Variants in TTC28 observed in about 807,000 individuals in gnomAD.
TTC28 encodes the protein tetratricopeptide repeat domain 28.
TTC28 carries 61 observed loss-of-function variants against 198.0 expected under a neutral mutation model. The observed-to-expected ratio is 0.31, with a 90% confidence interval of 0.25 to 0.38. TTC28 has a LOEUF of 0.38. Ranked by LOEUF, TTC28 falls within the 10% of genes least tolerant of loss-of-function variation. TTC28 has a pLI of 1.00. For missense variants in TTC28, 2,678 were observed against 3,164.0 expected (o/e 0.85, Z 3.69); for synonymous variants, 1,171 against 1,297.8 (o/e 0.90, Z 2.10).
At chr22:28,535,026 T>C (rs1242523452) in intron 2 of TTC28, among the ~76,000 whole-genome samples, 1 of 152,072 alleles carries the variant, frequency 6.6e-6, no homozygotes, top group African/African-American at 2.4e-5. Flanking sequence ...ACCTGCACAT[T>C]GTACACATGT....
rs188282118 is a variant in TTC28 at position 28,219,055 on chromosome 22, C to A, written c.934-55456G>T. ...AGGATCTCAGGAACCCCAAGGAATC[C>A]ATGAACCATACTTTGAGAACCACTG... On this transcript the variant is annotated intron_variant, in intron 5 of 22. Transcript: ENST00000397906. Among the ~76,000 whole-genome samples the A allele has an allele frequency of 2.1e-4, 32 of 152,136 alleles. No homozygotes were observed. The East Asian group carries it at 5.4e-3, about 26-fold the overall frequency.
intron 2 of TTC28, among the ~76,000 whole-genome samples, chr22:28,622,369 CA>C (rs1369689848): frequency 2.0e-5 from 3 of 151,828 alleles, no homozygotes; most frequent in Non-Finnish European, 4.4e-5. Context: ...CAACAAAACA[CA>C]AAATATTTGA....
At chr22:28,567,432 T>A (rs2146015130) in intron 2 of TTC28, among the ~76,000 whole-genome samples, 1 of 130,944 alleles carries the variant, frequency 7.6e-6, no homozygotes, top group African/African-American at 2.8e-5. Flanking sequence ...CTCACATATA[T>A]ACACACATAT....
intron 5 of TTC28, among the ~76,000 whole-genome samples, chr22:28,181,915 T>A (rs973012973): frequency 6.6e-6 from 1 of 152,058 alleles, no homozygotes; most frequent in Non-Finnish European, 1.5e-5. Context: ...AAACAAAAAA[T>A]GAACTCCATT....
intron 6 of TTC28, among the ~76,000 whole-genome samples, chr22:28,138,643 GT>G (rs1943256167): frequency 6.6e-6 from 1 of 152,156 alleles, no homozygotes; most frequent in East Asian, 1.9e-4. Context: ...GGCTTTAATA[GT>G]TTGGAAAAAT....
chr22:28,675,677 T>G (rs1038721368), intron 1 of TTC28, among the ~76,000 whole-genome samples: 6 of 150,786 alleles, frequency 4.0e-5, no homozygotes, highest in African/African-American at 1.5e-4. Flanking sequence ...AGGTCCAGGC[T>G]GCAGTGAGCT....
intron 5 of TTC28, among the ~76,000 whole-genome samples, chr22:28,240,600 A>AC (rs1929592214): frequency 6.6e-6 from 1 of 152,176 alleles, no homozygotes. Context: ...GAGGACCCCA[A>AC]AACATTGATA....
intron 1 of TTC28, among the ~76,000 whole-genome samples, chr22:28,637,402 T>C: frequency 6.6e-6 from 1 of 152,208 alleles, no homozygotes; most frequent in Non-Finnish European, 1.5e-5. Flanking sequence ...GATAGCCAGT[T>C]TTCCCAGGAC....
In TTC28 at chr22:28,032,192, TATATATATATAAA is replaced by T. The variant is rs1331282843; in HGVS notation, c.3933-1839_3933-1827del. On this transcript the variant is annotated intron_variant, in intron 12 of 22. Coordinates refer to ENST00000397906, the MANE Select transcript of TTC28 (RefSeq NM_001145418.2). The stretch of plus-strand genomic sequence containing the variant: ...TGTATATATATATATATATATAAAA[TATATATATATAAA>T]ATATATATATATAAAATATATATAT... 7.5e-4 allele frequency among the ~76,000 whole-genome samples: 84 copies of T among 112,514 alleles called. 1 individual carries two copies. The highest frequency in any genetic ancestry group is 2.9e-3 in the East Asian group (12 of 4,110). 73.8% of individuals were successfully genotyped at this position (112,514 alleles called of 152,430 possible). A position where few individuals can be genotyped will look rare whatever the true frequency, so the allele number is the denominator to read the frequency against.
At chr22:28,177,204 G>A (rs971261473) in intron 5 of TTC28, among the ~76,000 whole-genome samples, 3 of 152,122 alleles carry the variant, frequency 2.0e-5, no homozygotes, top group African/African-American at 7.2e-5. Flanking sequence ...TATCTGAAGA[G>A]ACAGCTCATT....
chr22:28,490,780 G>A (rs976522839), intron 2 of TTC28, among the ~76,000 whole-genome samples: 2 of 152,074 alleles, frequency 1.3e-5, no homozygotes, highest in African/African-American at 4.8e-5. Flanking sequence ...TAAATGGTGC[G>A]GTTGTCTTCT....
chr22:28,245,346 C>A (rs1308131757), intron 5 of TTC28, among the ~76,000 whole-genome samples: 1 of 152,032 alleles, frequency 6.6e-6, no homozygotes, highest in African/African-American at 2.4e-5. Context: ...TTAACAATTA[C>A]AATAATACCA....
chr22:28,342,574 C>T (rs2045848360), intron 2 of TTC28, among the ~76,000 whole-genome samples: 1 of 143,910 alleles, frequency 6.9e-6, no homozygotes, highest in Non-Finnish European at 1.6e-5. Flanking sequence ...ACATAATTCT[C>T]ATAGATAAAA....
At chr22:28,355,694 C>T (rs185179070) in intron 2 of TTC28, among the ~76,000 whole-genome samples, 10 of 152,342 alleles carry the variant, frequency 6.6e-5, no homozygotes, top group East Asian at 1.9e-4. Context: ...ATAGTAGTCA[C>T]GGCCAAAAGC....
rs190559123 is a variant in TTC28 at position 28,433,640 on chromosome 22, T to C, written c.382-126997A>G. ...AATATAGAACTAGTTAATATTTAAA[T>C]ATGTATTAATTATGTATTAATCACA... On this transcript the variant is annotated intron_variant, in intron 2 of 22. Transcript: ENST00000397906. Among the ~76,000 whole-genome samples the C allele has an allele frequency of 3.0e-3, 460 of 152,344 alleles. 6 individuals are homozygous for C. Among genetic ancestry groups the C allele is most frequent in the Admixed American group, 2.9e-3 (44 of 15,306 alleles).
chr22:27,982,667 A>G lies in TTC28; in HGVS notation c.7000T>C (p.Ser2334Pro), dbSNP rs1937063038. Residue 2334 changes from serine (S) to proline (P), a missense_variant, in exon 23 of 23, where the codon TCA becomes CCA. Ser to Pro is a moderately conservative substitution (Grantham distance 74, BLOSUM62 -1). Around this residue, in one of 8 missense-constraint regions of TTC28, gnomAD observed 622 missense variants for 656.0 expected, o/e 0.95. Coordinates refer to ENST00000397906, the MANE Select transcript of TTC28 (RefSeq NM_001145418.2). This position sits in a 1 kb window ranked among gnomAD's most constrained non-coding sequence, Gnocchi z 5.2. ...LSYSSAGSAR[S>P]SPADAPDIDK... ...ATGTCGGGAGCGTCTGCTGGACTTGAGCGAGCAGATCCAGCTGAGGAGTAG... is the reference window on the plus strand; with the variant it reads ...ATGTCGGGAGCGTCTGCTGGACTTGGGCGAGCAGATCCAGCTGAGGAGTAG... 1.3e-6 allele frequency: 2 copies of G among 1,551,442 alleles called. No individual in the cohort carries two copies. The highest frequency in any genetic ancestry group is 1.7e-6 in the Non-Finnish European group (2 of 1,146,984).
intron 12 of TTC28, among the ~76,000 whole-genome samples, chr22:28,066,800 C>T (rs1459915721): frequency 6.6e-6 from 1 of 152,092 alleles, no homozygotes; most frequent in Non-Finnish European, 1.5e-5. Context: ...TCTTCATGGC[C>T]TCCTGGGGTC....
chr22:28,476,696 C>G (rs1332468004), intron 2 of TTC28, among the ~76,000 whole-genome samples: 2 of 152,046 alleles, frequency 1.3e-5, no homozygotes, highest in African/African-American at 4.8e-5. Context: ...TGAGGTAGTA[C>G]AATTTTGAAA....
At chr22:28,624,429 ATAT>A (rs1351280507) in intron 2 of TTC28, among the ~76,000 whole-genome samples, 1 of 152,118 alleles carries the variant, frequency 6.6e-6, no homozygotes, top group Non-Finnish European at 1.5e-5. Flanking sequence ...GATTCTTCAG[ATAT>A]TAAAAAGGAT....
Sources: gnomAD v4.1 joint callset for allele counts (sites outside exome capture counted in the v4.1 genomes callset) on GRCh38, gnomAD v4.1.1 for gene constraint, gnomAD v4.1.1 regional missense constraint, Gnocchi (gnomAD v3.1) non-coding constraint, MANE v1.5 for transcripts, NCBI Gene and HGNC (gene_info 2026-07-23, HGNC 2026-07-21) for gene names.